Variants in ANKS1A observed in about 807,000 individuals in gnomAD.
ANKS1A encodes ankyrin repeat and SAM domain-containing protein 1A.
ANKS1A carries 55 observed loss-of-function variants against 120.3 expected under a neutral mutation model. The ratio of observed to expected loss-of-function variants is 0.46; its 90% CI spans 0.37 to 0.57. The LOEUF is 0.57. ANKS1A is among the 20% of genes least tolerant of loss of function. The pLI, the probability that ANKS1A is intolerant of heterozygous loss-of-function variation, is 0.00. For missense variants in ANKS1A, 1,123 were observed against 1,480.3 expected (o/e 0.76, Z 3.96); for synonymous variants, 590 against 604.7 (o/e 0.98, Z 0.36).
intron 1 of ANKS1A, among the ~76,000 whole-genome samples, chr6:34,953,510 C>T (rs1452660210): frequency 6.6e-6 from 1 of 152,166 alleles, no homozygotes; most frequent in African/African-American, 2.4e-5. Context: ...ATCAACCAGG[C>T]TCCACTGTGA....
At position 34,982,126 on chromosome 6, in the gene ANKS1A, C is replaced by A; in HGVS notation, c.732+140C>A. On this transcript the variant is annotated intron_variant, in intron 4 of 23. Transcript: ENST00000360359. This position sits in a 1 kb window ranked among gnomAD's most constrained non-coding sequence, Gnocchi z 4.9. ...TCAAATGCTTATTTGCCGACTCATT[C>A]TAATGTGACACTAAGAAACAAATGA... 1.9e-6 allele frequency: 2 copies of A among 1,075,516 alleles called. No homozygotes were observed. Among genetic ancestry groups the A allele is most frequent in the Non-Finnish European group, 2.6e-6 (2 of 764,784 alleles). The allele number at this position is 1,075,516 out of a possible 1,614,324, so 66.6% of individuals were successfully genotyped here. A position where few individuals can be genotyped will look rare whatever the true frequency, so the allele number is the denominator to read the frequency against.
intron 17 of ANKS1A, 113 bp downstream of exon 17, chr6:35,081,271 A>C: frequency 7.3e-7 from 1 of 1,368,100 alleles, no homozygotes; most frequent in Non-Finnish European, 9.7e-7. Flanking sequence ...GGCTGGCACC[A>C]GAGTCAGGAG....
intron 1 of ANKS1A, among the ~76,000 whole-genome samples, chr6:34,931,749 C>T (rs1768993565): frequency 6.6e-6 from 1 of 152,174 alleles, no homozygotes; most frequent in African/African-American, 2.4e-5. Context: ...CCCCTATAAT[C>T]TAGGTGCAAG....
intron 1 of ANKS1A, among the ~76,000 whole-genome samples, chr6:34,956,741 A>C (rs1335276828): frequency 6.6e-6 from 1 of 152,158 alleles, no homozygotes; most frequent in Non-Finnish European, 1.5e-5. Context: ...ACTTTCATTC[A>C]GGGCCTCTGA....
chr6:35,080,313 C>T (rs1777604839), intron 16 of ANKS1A, among the ~76,000 whole-genome samples: 1 of 152,204 alleles, frequency 6.6e-6, no homozygotes, highest in African/African-American at 2.4e-5. Context: ...GCTAAGACAG[C>T]TTGCATTTTA....
chr6:34,935,404 GC>G (rs773848612), intron 1 of ANKS1A, among the ~76,000 whole-genome samples: 13 of 152,110 alleles, frequency 8.5e-5, no homozygotes, highest in Non-Finnish European at 1.6e-4. Flanking sequence ...ATTTTTTAAT[GC>G]CCGTCTTCAG....
In ANKS1A at chr6:35,089,157, A is replaced by G; in HGVS notation, c.*548A>G. The G allele has an allele frequency of 1.0e-6, 1 of 1,004,502 alleles. No individual in the cohort carries two copies. Among genetic ancestry groups the G allele is most frequent in the Non-Finnish European group, 1.2e-6 (1 of 839,744 alleles). The allele number at this position is 1,004,502 out of a possible 1,614,324, so 62.2% of individuals were successfully genotyped here. On this transcript the variant is annotated 3_prime_UTR_variant, in exon 24 of 24. Transcript: ENST00000360359. ...TCTGCTTTTCAAACCCAACCATATC[A>G]GCTGCTGCTCTTTATGAACTGCCCA...
At chr6:35,042,902 C>T (rs945573221) in intron 11 of ANKS1A, among the ~76,000 whole-genome samples, 1 of 152,204 alleles carries the variant, frequency 6.6e-6, no homozygotes, top group East Asian at 1.9e-4. Context: ...ATAAGGTTGC[C>T]ATTTCCATAA....
intron 1 of ANKS1A, among the ~76,000 whole-genome samples, chr6:34,891,996 A>G (rs1441978025): frequency 1.3e-5 from 2 of 152,210 alleles, no homozygotes; most frequent in East Asian, 3.8e-4. Context: ...TAACTGCCAT[A>G]TAGTTAATAT....
intron 1 of ANKS1A, among the ~76,000 whole-genome samples, chr6:34,955,153 T>C (rs1770293027): frequency 6.6e-6 from 1 of 151,936 alleles, no homozygotes; most frequent in Non-Finnish European, 1.5e-5. Context: ...TCTTTTTTTT[T>C]TGAGACAGAG....
At chr6:35,002,968 G>T (rs1362743494) in intron 10 of ANKS1A, among the ~76,000 whole-genome samples, 1 of 146,660 alleles carries the variant, frequency 6.8e-6, no homozygotes, top group Non-Finnish European at 1.5e-5. Flanking sequence ...AGGACTAGAC[G>T]GCTCCCACTA....
intron 11 of ANKS1A, among the ~76,000 whole-genome samples, chr6:35,046,499 G>A (rs1169471641): frequency 1.3e-5 from 2 of 152,172 alleles, no homozygotes; most frequent in Admixed American, 1.3e-4. Flanking sequence ...TTCAGTATGA[G>A]ACTTTTCAAA....
intron 1 of ANKS1A, among the ~76,000 whole-genome samples, chr6:34,961,383 T>G (rs183375820): frequency 1.2e-3 from 178 of 152,084 alleles, no homozygotes; most frequent in African/African-American, 4.1e-3. Context: ...CCAGTTTCGT[T>G]TAGATTTTGT....
chr6:35,031,456 C>A (rs1432706352), intron 11 of ANKS1A, among the ~76,000 whole-genome samples: 2 of 152,140 alleles, frequency 1.3e-5, no homozygotes, highest in African/African-American at 2.4e-5. Context: ...CTGAGAAAGC[C>A]TATGTTGTCT....
intron 1 of ANKS1A, among the ~76,000 whole-genome samples, chr6:34,890,921 G>C (rs535106704): frequency 9.8e-5 from 15 of 152,316 alleles, no homozygotes; most frequent in African/African-American, 3.4e-4. Flanking sequence ...ATTAAGCACT[G>C]AGTACCAACC....
intron 13 of ANKS1A, among the ~76,000 whole-genome samples, chr6:35,076,985 AGTGCT>A (rs1197018819): frequency 6.6e-6 from 1 of 152,036 alleles, no homozygotes; most frequent in Non-Finnish European, 1.5e-5. Flanking sequence ...GTAGGGAGGG[AGTGCT>A]TTGGAAATGC....
rs2127590203 is a variant in ANKS1A at position 35,058,781 on chromosome 6, GA to G, written c.2078-1364del. ...TCTGTTCTTGCCCACAAGAATCAGA[GA>G]AGTAGGTTGGGGTTCAGGCATCCAG... On this transcript the variant is annotated intron_variant, in intron 12 of 23. Coordinates refer to ENST00000360359, the MANE Select transcript of ANKS1A (RefSeq NM_015245.3). The surrounding 1 kb of genome is among the most constrained non-coding windows in gnomAD (Gnocchi z 5.1). 6.6e-6 allele frequency: 1 copy of G among 152,330 alleles called. No individual in the cohort carries two copies. The highest frequency in any genetic ancestry group is 1.9e-4 in the East Asian group (1 of 5,186). The allele number at this position is 152,330 out of a possible 1,614,324, so 9.4% of individuals were successfully genotyped here.
chr6:34,966,679 C>G (rs61612659), intron 1 of ANKS1A, among the ~76,000 whole-genome samples: 1,802 of 152,246 alleles, frequency 0.012, 29 homozygotes, highest in African/African-American at 0.037. Flanking sequence ...CAGCTTCCCT[C>G]CTATGGTATT....
chr6:35,019,353 C>T (rs1194420290), intron 11 of ANKS1A, among the ~76,000 whole-genome samples: 2 of 152,192 alleles, frequency 1.3e-5, no homozygotes, highest in South Asian at 2.1e-4. Context: ...AATGCCCTAC[C>T]CAACTCTATT....
Sources: allele counts gnomAD v4.1 joint callset (sites outside exome capture counted in the v4.1 genomes callset), GRCh38; gene constraint gnomAD v4.1.1; non-coding constraint Gnocchi (gnomAD v3.1); transcripts MANE v1.5; gene names NCBI Gene and HGNC (gene_info 2026-07-23, HGNC 2026-07-21).